The following ITPR2 variants were observed in gnomAD, a reference collection of about 807,000 sequenced individuals.
ITPR2 encodes the protein inositol 1,4,5-trisphosphate-gated calcium channel ITPR2.
Under a neutral mutation model 317.1 loss-of-function variants are expected in ITPR2, and 207 were observed. The observed-to-expected ratio is 0.65, with a 90% CI of 0.58 to 0.73. The LOEUF (loss-of-function observed/expected upper bound fraction) is 0.73, where lower values mean the gene tolerates loss of function less well. Ranked by LOEUF, ITPR2 falls within the 30% of genes least tolerant of loss-of-function variation. The pLI is 0.00. For synonymous variants in ITPR2, 1,156 were observed against 1,149.1 expected (o/e 1.01, Z -0.12); for missense variants, 2,613 against 3,284.0 (o/e 0.80, Z 4.99).
intron 2 of ITPR2, among the ~76,000 whole-genome samples, chr12:26,757,199 T>A (rs1470735901): frequency 6.6e-6 from 1 of 151,540 alleles, no homozygotes; most frequent in East Asian, 1.9e-4. Flanking sequence ...GGGGTAGCCA[T>A]TCTTCTATTC....
At chr12:26,656,705 C>T (rs1347593868) in intron 18 of ITPR2, among the ~76,000 whole-genome samples, 157 bp from the exon 19 acceptor site, 1 of 152,170 alleles carries the variant, frequency 6.6e-6, no homozygotes, top group Non-Finnish European at 1.5e-5. Flanking sequence ...CCATTAAGAT[C>T]AAATGACAAG....
At chr12:26,523,788 G>A (rs890591699) in intron 37 of ITPR2, among the ~76,000 whole-genome samples, 4 of 152,152 alleles carry the variant, frequency 2.6e-5, no homozygotes, top group South Asian at 2.1e-4. Flanking sequence ...GCAGACTCAC[G>A]GATCGTTCAA....
intron 37 of ITPR2, among the ~76,000 whole-genome samples, chr12:26,531,546 T>C (rs1482800625): frequency 2.6e-5 from 4 of 152,196 alleles, no homozygotes; most frequent in Non-Finnish European, 4.4e-5. Context: ...GCAGATTAGA[T>C]TGCCTCTTCA....
intron 2 of ITPR2, among the ~76,000 whole-genome samples, chr12:26,783,461 G>A (rs1356173151): frequency 6.6e-6 from 1 of 152,172 alleles, no homozygotes; most frequent in Non-Finnish European, 1.5e-5. Flanking sequence ...CTGATGGTAA[G>A]AGAAGGACAT....
intron 2 of ITPR2, among the ~76,000 whole-genome samples, chr12:26,732,206 T>A (rs1949040019): frequency 6.6e-6 from 1 of 152,204 alleles, no homozygotes; most frequent in Non-Finnish European, 1.5e-5. Flanking sequence ...AAGTCAATTA[T>A]TATACTACGA....
intron 45 of ITPR2, among the ~76,000 whole-genome samples, chr12:26,444,997 A>C (rs1314314074): frequency 6.6e-6 from 1 of 152,122 alleles, no homozygotes; most frequent in Non-Finnish European, 1.5e-5. Context: ...ACTTGTTGTG[A>C]CTTACAGGGG....
At chr12:26,433,461 A>C (rs1941272184) in intron 48 of ITPR2, among the ~76,000 whole-genome samples, 1 of 152,182 alleles carries the variant, frequency 6.6e-6, no homozygotes, top group African/African-American at 2.4e-5. Context: ...CCAAGATAGT[A>C]TGTGATTTTT....
chr12:26,400,321 C>G, intron 52 of ITPR2, 63 bp from the exon 53 acceptor site: 1 of 984,846 alleles, frequency 1.0e-6, no homozygotes, highest in South Asian at 2.9e-5. Context: ...ATAAAATACA[C>G]ATAAAATGAA....
chr12:26,377,937 C>T (rs888968094), intron 55 of ITPR2, among the ~76,000 whole-genome samples: 3 of 151,966 alleles, frequency 2.0e-5, no homozygotes, highest in African/African-American at 7.3e-5. Context: ...ATTTTTAGCT[C>T]GACTCTCCTC....
At chr12:26,750,497 G>C (rs912292601) in intron 2 of ITPR2, among the ~76,000 whole-genome samples, 3 of 152,096 alleles carry the variant, frequency 2.0e-5, no homozygotes, top group Admixed American at 6.6e-5. Context: ...CCCCCAAACA[G>C]GTCGTCTATA....
At position 26,728,680 on chromosome 12, in the gene ITPR2, G is replaced by A. The variant is rs564478181; in HGVS notation, c.164-2915C>T. 1.1e-4 allele frequency among the ~76,000 whole-genome samples: 17 copies of A among 152,150 alleles called. No individual in the cohort carries two copies. In the East Asian group the frequency reaches 2.1e-3, roughly 19 times the overall value. ...TCTTGGGCTGGTCACACATTTTGTC[G>A]GATTCTAAATTTACTGCATAATAAA... On this transcript the variant is annotated intron_variant, in intron 2 of 56. Transcript: ENST00000381340.
At chr12:26,753,959 T>G (rs1195952490) in intron 2 of ITPR2, among the ~76,000 whole-genome samples, 1 of 152,196 alleles carries the variant, frequency 6.6e-6, no homozygotes, top group Admixed American at 6.5e-5. Context: ...CAGGGTTTGA[T>G]TCCAAGCTTA....
intron 37 of ITPR2, among the ~76,000 whole-genome samples, chr12:26,528,627 A>G (rs565607811): frequency 6.6e-6 from 1 of 152,318 alleles, no homozygotes; most frequent in South Asian, 2.1e-4. Context: ...TCTCCCTCCA[A>G]ATTAAAACTA....
intron 2 of ITPR2, among the ~76,000 whole-genome samples, chr12:26,788,083 C>T (rs879747130): frequency 1.3e-5 from 2 of 151,938 alleles, no homozygotes; most frequent in Non-Finnish European, 2.9e-5. Context: ...CCACCATGCC[C>T]GGCTAATTTT....
At chr12:26,391,660 GT>G (rs950609078) in intron 54 of ITPR2, among the ~76,000 whole-genome samples, 1 of 146,318 alleles carries the variant, frequency 6.8e-6, no homozygotes, top group African/African-American at 2.6e-5. Flanking sequence ...GACCTTCCAG[GT>G]TTAAGCGATT....
intron 55 of ITPR2, among the ~76,000 whole-genome samples, chr12:26,384,168 C>T (rs1184464005): frequency 6.6e-6 from 1 of 152,228 alleles, no homozygotes; most frequent in Non-Finnish European, 1.5e-5. Flanking sequence ...TTGAACTGAA[C>T]TGTAGATGTG....
intron 1 of ITPR2, among the ~76,000 whole-genome samples, chr12:26,805,003 G>C (rs1458965156): frequency 6.6e-6 from 1 of 152,070 alleles, no homozygotes; most frequent in African/African-American, 2.4e-5. Flanking sequence ...CCAAAGTGCT[G>C]GGAATGCAGG....
At chr12:26,528,639 A>G (rs776119152) in intron 37 of ITPR2, among the ~76,000 whole-genome samples, 3 of 152,136 alleles carry the variant, frequency 2.0e-5, no homozygotes, top group Non-Finnish European at 4.4e-5. Flanking sequence ...TTAAAACTAC[A>G]TTTTCCCTTT....
chr12:26,398,948 C>T lies in ITPR2; in HGVS notation c.7624G>A (p.Asp2542Asn), dbSNP rs1258889981. The T allele has an allele frequency of 2.5e-6, 4 of 1,610,220 alleles. No individual in the cohort carries two copies. The highest frequency in any genetic ancestry group is 1.7e-5 in the Admixed American group (1 of 59,260). Residue 2542 changes from aspartate to asparagine, a missense_variant, in exon 54 of 57, where the codon GAT (aspartate) becomes AAT (asparagine). Transcript: ENST00000381340. ...VLNLIFGVII[D>N]TFADLRSEKQ... The stretch of plus-strand genomic sequence containing the variant: ...TCGCTTCTGAGATCAGCAAAAGTAT[C>T]GATGATAACACCAAAAATCAAGTTC...
Sources: gnomAD v4.1 joint callset for allele counts (sites outside exome capture counted in the v4.1 genomes callset) on GRCh38, gnomAD v4.1.1 for gene constraint, MANE v1.5 for transcripts, NCBI Gene and HGNC (gene_info 2026-07-23, HGNC 2026-07-21) for gene names.